Variants in PRMT2 observed in about 807,000 individuals in gnomAD.
The protein encoded by PRMT2 is protein arginine methyltransferase 2.
Under a neutral mutation model 57.6 loss-of-function variants are expected in PRMT2, and 26 were observed. That is an observed-to-expected ratio of 0.45 (90% CI 0.33 to 0.63). The LOEUF (loss-of-function observed/expected upper bound fraction) is 0.63. PRMT2 is among the 20% of genes least tolerant of loss of function. The probability of loss-of-function intolerance (pLI) is 0.02; values close to 1 mark genes in which losing one functional copy is unlikely to be tolerated. For synonymous variants in PRMT2, 219 were observed against 220.0 expected (o/e 1.00, Z 0.04); for missense variants, 472 against 564.4 (o/e 0.84, Z 1.66).
Position 46,643,548 on chromosome 21 carries a change from C to T in PRMT2, c.53C>T (p.Ala18Val). The T allele has an allele frequency of 6.3e-7, 1 of 1,599,748 alleles. No homozygotes were observed. The highest frequency in any genetic ancestry group is 8.5e-7 in the Non-Finnish European group (1 of 1,174,672). ...GGCTTTGAGCAGGGAGAAGAGCCTG[C>T]TGAGTGCAGTGAGGCCGGTCTCCTG... ...PRSESQGEEP[A>V]ECSEAGLLQE... The change falls in exon 4 of 12, where the codon GCT (alanine) becomes GTT (valine). Residue 18 changes from alanine to valine, a missense_variant. Around this residue, in one of 2 missense-constraint regions of PRMT2, gnomAD observed 243 missense variants for 347.2 expected, o/e 0.70. Coordinates refer to ENST00000355680, the MANE Select transcript of PRMT2 (RefSeq NM_206962.4).
rs771379734 is a variant in PRMT2 at position 46,649,670 on chromosome 21, G to A, written c.585G>A (p.Lys195=). Residue 195 remains lysine, a synonymous_variant, in exon 7 of 12, where the codon AAG becomes AAA. Coordinates refer to ENST00000355680, the MANE Select transcript of PRMT2 (RefSeq NM_206962.4). The surrounding 1 kb of genome is among the most constrained non-coding windows in gnomAD (Gnocchi z 4.8). ...ACATCATCACCGTGTACCAGCAGAA[G>A]GTGGAGGATGTGGTGCTGCCCGAGA... ...FADIITVYQQ[K]VEDVVLPEKV... The A allele has an allele frequency of 6.3e-5, 102 of 1,613,974 alleles. No homozygotes were observed. The highest frequency in any genetic ancestry group is 8.1e-5 in the Non-Finnish European group (96 of 1,180,050).
At chr21:46,663,166 C>T (rs1162830284) in intron 10 of PRMT2, among the ~76,000 whole-genome samples, 1 of 152,170 alleles carries the variant, frequency 6.6e-6, no homozygotes. Flanking sequence ...CCAGTGTATC[C>T]CATAGAGTCC....
intron 7 of PRMT2, chr21:46,652,399 C>T (rs557297859): frequency 2.2e-5 from 23 of 1,067,242 alleles, no homozygotes; most frequent in African/African-American, 5.0e-5. Context: ...AATTGTGTGA[C>T]GTAAAGAGTT....
At chr21:46,662,614 G>A (rs1216205249) in intron 10 of PRMT2, among the ~76,000 whole-genome samples, 1 of 152,166 alleles carries the variant, frequency 6.6e-6, no homozygotes, top group Non-Finnish European at 1.5e-5. Flanking sequence ...CCGAGTCTGG[G>A]GGCGTGGAGG....
chr21:46,656,321 T>G (rs890754481), intron 7 of PRMT2, among the ~76,000 whole-genome samples: 10 of 152,194 alleles, frequency 6.6e-5, no homozygotes, highest in African/African-American at 2.4e-4. Flanking sequence ...CAAATAAACC[T>G]CATTTCTTTA....
intron 7 of PRMT2, among the ~76,000 whole-genome samples, chr21:46,656,458 T>C (rs1482591058): frequency 2.0e-5 from 3 of 152,206 alleles, no homozygotes; most frequent in African/African-American, 7.2e-5. Context: ...ATTTTGAAGC[T>C]ACAGTAATCA....
intron 7 of PRMT2, chr21:46,652,721 C>T (rs1004216261): frequency 2.7e-6 from 3 of 1,118,312 alleles, no homozygotes; most frequent in African/African-American, 3.3e-5. Context: ...TTTCCAGAAG[C>T]AGCAAAGTTC....
At chr21:46,645,557 C>T (rs1251808463) in intron 5 of PRMT2, among the ~76,000 whole-genome samples, 1 of 152,134 alleles carries the variant, frequency 6.6e-6, no homozygotes, top group Admixed American at 6.5e-5. Context: ...GTCCAGGCAA[C>T]AATCTCTGGT....
chr21:46,660,581 G>A (rs9977877), intron 8 of PRMT2, among the ~76,000 whole-genome samples: 12,194 of 152,164 alleles, frequency 0.08, 822 homozygotes, highest in African/African-American at 0.19. Context: ...GTGACTGGCA[G>A]GCTCCTTAAT....
chr21:46,639,450 T>C (rs2061230975), intron 3 of PRMT2, among the ~76,000 whole-genome samples: 1 of 152,186 alleles, frequency 6.6e-6, no homozygotes, highest in Admixed American at 6.5e-5. Context: ...CCACTATGAT[T>C]GTAGATATAT....
rs773597794 is a variant in PRMT2, at chr21:46,649,829, C to T, written c.654+90C>T. 46 of 1,543,006 alleles carry T rather than the reference C, an allele frequency of 3.0e-5. No individual in the cohort carries two copies. The highest frequency in any genetic ancestry group is 5.9e-5 in the South Asian group (5 of 84,350). ...GGGCCAACCTCAGGATCTCAAGGGT[C>T]GTGCGTGATTCATTTTGATGTTTTC... On this transcript the variant is annotated intron_variant, in intron 7 of 11. Transcript: ENST00000355680. The surrounding 1 kb of genome is among the most constrained non-coding windows in gnomAD (Gnocchi z 4.8).
intron 7 of PRMT2, chr21:46,653,853 C>T: frequency 5.9e-6 from 6 of 1,024,604 alleles, no homozygotes; most frequent in Non-Finnish European, 7.0e-6. Flanking sequence ...TAGACATCTC[C>T]AACCAAGGTC....
chr21:46,652,800 TAAC>T, intron 7 of PRMT2: 2 of 1,231,982 alleles, frequency 1.6e-6, no homozygotes, highest in African/African-American at 1.6e-5. Context: ...TCATTTTTGT[TAAC>T]AAAGCAGGTG....
Position 46,648,499 on chromosome 21 carries a change from T to G in PRMT2, c.369T>G (p.Thr123=), listed in dbSNP as rs779556706. 1.2e-6 allele frequency: 2 copies of G among 1,614,214 alleles called. No individual in the cohort carries two copies. Among genetic ancestry groups the G allele is most frequent in the Admixed American group, 3.3e-5 (2 of 60,032 alleles). The change falls in exon 6 of 12, where the codon ACT becomes ACG. Residue 123 remains threonine, a synonymous_variant. Transcript: ENST00000355680. The surrounding 1 kb of genome is among the most constrained non-coding windows in gnomAD (Gnocchi z 4.8). ...LEMLADQPRT[T]KYHSVILQNK... is the part of the protein sequence containing the mutation. ...TGTTGGCAGACCAGCCACGAACAAC[T>G]AAATACCACAGTGTCATCCTGCAGA...
chr21:46,649,734 C>T lies in PRMT2; in HGVS notation c.649C>T (p.Leu217=), dbSNP rs1209959977. 1 of 1,613,250 alleles carries T rather than the reference C, an allele frequency of 6.2e-7. No individual in the cohort carries two copies. The highest frequency in any genetic ancestry group is 1.7e-5 in the Admixed American group (1 of 59,922). The part of the protein sequence containing the change: ...VLVSEWMGTC[L]LFEFMIESIL... ...GGTGTCTGAGTGGATGGGGACCTGCCTGCTGGTGAGGGCGGGCGTGCGGGC... is the reference window on the plus strand; with the variant it reads ...GGTGTCTGAGTGGATGGGGACCTGCTTGCTGGTGAGGGCGGGCGTGCGGGC... Residue 217 remains leucine, a synonymous_variant, in exon 7 of 12, where the codon CTG becomes TTG. Coordinates refer to ENST00000355680, the MANE Select transcript of PRMT2 (RefSeq NM_206962.4). The surrounding 1 kb of genome is among the most constrained non-coding windows in gnomAD (Gnocchi z 4.8).
chr21:46,659,737 C>T, intron 8 of PRMT2: 2 of 985,430 alleles, frequency 2.0e-6, no homozygotes, highest in South Asian at 4.7e-5. Context: ...GCCAGAGCCT[C>T]CCACCTGAGT....
At chr21:46,638,275 G>A (rs1306132517) in intron 3 of PRMT2, among the ~76,000 whole-genome samples, 1 of 152,194 alleles carries the variant, frequency 6.6e-6, no homozygotes. Context: ...TCCTGCCACT[G>A]TAGGGTACTC....
chr21:46,639,288 TC>T (rs1397645850), intron 3 of PRMT2, among the ~76,000 whole-genome samples: 1 of 152,176 alleles, frequency 6.6e-6, no homozygotes, highest in Non-Finnish European at 1.5e-5. Flanking sequence ...TGGTGAGTGT[TC>T]CATGAGTACT....
chr21:46,649,808 C>T lies in PRMT2; in HGVS notation c.654+69C>T, dbSNP rs1188511383. On this transcript the variant is annotated intron_variant, in intron 7 of 11. Transcript: ENST00000355680. The surrounding 1 kb of genome is among the most constrained non-coding windows in gnomAD (Gnocchi z 4.8). Reference sequence around the variant, plus strand: ...CTTCTGAGCACGGGCTCGGCTGGGCCAACCTCAGGATCTCAAGGGTCGTGC... The same window carrying T: ...CTTCTGAGCACGGGCTCGGCTGGGCTAACCTCAGGATCTCAAGGGTCGTGC... 1.3e-6 allele frequency: 2 copies of T among 1,567,224 alleles called. No homozygotes were observed. Among genetic ancestry groups the T allele is most frequent in the East Asian group, 2.4e-5 (1 of 42,280 alleles).
Sources: allele counts gnomAD v4.1 joint callset (sites outside exome capture counted in the v4.1 genomes callset), GRCh38; gene constraint gnomAD v4.1.1; regional missense constraint gnomAD v4.1.1; non-coding constraint Gnocchi (gnomAD v3.1); transcripts MANE v1.5; gene names NCBI Gene and HGNC (gene_info 2026-07-23, HGNC 2026-07-21).